The following ESRRG variants were observed in gnomAD, a reference collection of about 807,000 sequenced individuals.
The protein encoded by ESRRG is estrogen related receptor gamma.
In ESRRG, 13 loss-of-function variants were observed where a neutral mutation model predicts 44.0. That is an observed-to-expected ratio of 0.30 (90% CI 0.19 to 0.47). The LOEUF is 0.47. Ranked by LOEUF, ESRRG falls within the 20% of genes least tolerant of loss-of-function variation. The pLI, the probability that ESRRG is intolerant of heterozygous loss-of-function variation, is 1.00. For synonymous variants in ESRRG, 215 were observed against 214.6 expected, an observed-to-expected ratio of 1.00 and a Z score of -0.02; for missense variants, 395 against 580.6, an observed-to-expected ratio of 0.68 and a Z score of 3.29.
At chr1:216,786,212 A>G (rs1348791667) in intron 2 of ESRRG, among the ~76,000 whole-genome samples, 1 of 152,088 alleles carries the variant, frequency 6.6e-6, no homozygotes, top group East Asian at 1.9e-4. Context: ...TCACTTAGAG[A>G]TTCATGTGCT....
intron 2 of ESRRG, among the ~76,000 whole-genome samples, chr1:216,757,456 A>T (rs538260100): frequency 4.5e-4 from 68 of 152,186 alleles, no homozygotes; most frequent in African/African-American, 1.6e-3. Context: ...ACAAAAGCTT[A>T]ATGCTGCAAC....
intron 2 of ESRRG, among the ~76,000 whole-genome samples, chr1:216,769,275 A>C (rs1214487419): frequency 6.6e-6 from 1 of 152,172 alleles, no homozygotes; most frequent in Non-Finnish European, 1.5e-5. Context: ...AGCTGCAAAC[A>C]GAGTGATCAG....
chr1:216,646,973 C>A (rs1453478844), intron 3 of ESRRG, among the ~76,000 whole-genome samples: 1 of 151,990 alleles, frequency 6.6e-6, no homozygotes, highest in East Asian at 1.9e-4. Flanking sequence ...ATCAAGACAC[C>A]CTTTAATCCT....
intron 2 of ESRRG, among the ~76,000 whole-genome samples, chr1:216,735,804 C>T (rs1472651271): frequency 6.6e-6 from 1 of 151,468 alleles, no homozygotes; most frequent in Non-Finnish European, 1.5e-5. Flanking sequence ...GATGGTGAAA[C>T]CCCGTCTCTA....
At chr1:216,643,024 A>T (rs746812367) in intron 3 of ESRRG, among the ~76,000 whole-genome samples, 3 of 152,226 alleles carry the variant, frequency 2.0e-5, no homozygotes, top group Non-Finnish European at 4.4e-5. Context: ...GGGTAATTAG[A>T]CAAGTAAGTT....
Position 216,674,781 on chromosome 1 carries a change from T to C in ESRRG, c.472+2295A>G, listed in dbSNP as rs550541082. ...CATGCCACCATGCTCAACTAATTTGTAAATTTTTTATAGAGACAGGGTTCT... is the reference window on the plus strand; with the variant it reads ...CATGCCACCATGCTCAACTAATTTGCAAATTTTTTATAGAGACAGGGTTCT... On this transcript the variant is annotated intron_variant, in intron 2 of 6. Transcript: ENST00000408911. Among the ~76,000 whole-genome samples the C allele has an allele frequency of 2.3e-3, 344 of 152,102 alleles. 2 individuals are homozygous for C. The highest frequency in any genetic ancestry group is 2.4e-3 in the Non-Finnish European group (163 of 67,988).
At chr1:216,582,171 T>C (rs972350609) in intron 3 of ESRRG, among the ~76,000 whole-genome samples, 4 of 152,196 alleles carry the variant, frequency 2.6e-5, no homozygotes, top group African/African-American at 9.7e-5. Flanking sequence ...ATGTATAAAA[T>C]ACATGTGTTT....
chr1:216,860,785 ATT>A (rs1015340329), intron 2 of ESRRG, among the ~76,000 whole-genome samples: 3 of 152,160 alleles, frequency 2.0e-5, no homozygotes, highest in African/African-American at 7.2e-5. Flanking sequence ...GGATATATGA[ATT>A]TACACAAAAG....
chr1:216,932,315 A>G (rs1168654847), intron 2 of ESRRG, among the ~76,000 whole-genome samples: 4 of 152,224 alleles, frequency 2.6e-5, no homozygotes, highest in Middle Eastern at 3.2e-3. Context: ...AAGGAAAATG[A>G]CAAGATTTCA....
chr1:217,077,424 T>C (rs1033277178), intron 1 of ESRRG, among the ~76,000 whole-genome samples: 8 of 152,132 alleles, frequency 5.3e-5, no homozygotes, highest in Non-Finnish European at 1.2e-4. Flanking sequence ...CAGTCTGTGG[T>C]CTCCATCTGA....
At chr1:216,651,599 C>T (rs918597532) in intron 2 of ESRRG, among the ~76,000 whole-genome samples, 1 of 152,004 alleles carries the variant, frequency 6.6e-6, no homozygotes, top group Non-Finnish European at 1.5e-5. Context: ...AGGGTAGGGA[C>T]AGAAATTACA....
At chr1:217,096,597 G>A (rs1343571828) in intron 1 of ESRRG, among the ~76,000 whole-genome samples, 2 of 129,820 alleles carry the variant, frequency 1.5e-5, no homozygotes, top group African/African-American at 6.2e-5. Flanking sequence ...CGCCAAAGGG[G>A]TGGATTGACT....
chr1:216,539,868 A>G (rs1230796035), intron 5 of ESRRG, among the ~76,000 whole-genome samples: 2 of 152,064 alleles, frequency 1.3e-5, no homozygotes, highest in East Asian at 1.9e-4. Context: ...TTTGAGATGT[A>G]AAAATACATA....
intron 1 of ESRRG, among the ~76,000 whole-genome samples, chr1:217,050,051 T>A (rs967358454): frequency 6.6e-6 from 1 of 152,180 alleles, no homozygotes; most frequent in African/African-American, 2.4e-5. Flanking sequence ...CAAACGTCAC[T>A]GTAAGTCAGA....
At chr1:216,643,328 A>C (rs1445647823) in intron 3 of ESRRG, among the ~76,000 whole-genome samples, 1 of 152,212 alleles carries the variant, frequency 6.6e-6, no homozygotes, top group Non-Finnish European at 1.5e-5. Context: ...GATCACTCAG[A>C]ATAAACAGAA....
intron 1 of ESRRG, among the ~76,000 whole-genome samples, chr1:217,073,135 G>A (rs2090781295): frequency 7.5e-6 from 1 of 133,490 alleles, no homozygotes; most frequent in Admixed American, 8.8e-5. Flanking sequence ...ATAGTACCAT[G>A]GCTAAATAAG....
At position 216,677,228 on chromosome 1, in the gene ESRRG, G is replaced by C; in HGVS notation, c.320C>G (p.Thr107Ser). The part of the protein sequence containing the change: ...VRKLYDDCSS[T>S]IVEDPQTKCE... ...CTTGGTCTGGGGATCTTCAACAATG[G>C]TGCTGGAGCAGTCATCATACAGTTT... Residue 107 changes from threonine (T) to serine (S), a missense_variant, in exon 2 of 7, where the codon ACC becomes AGC. Thr to Ser is a moderately conservative substitution (Grantham distance 58). This residue lies in a region of ESRRG where 148 missense variants were observed against 150.4 expected (regional missense o/e 0.98). Coordinates refer to ENST00000408911, the MANE Select transcript of ESRRG (RefSeq NM_001438.4). 1 of 1,614,168 alleles carries C rather than the reference G, an allele frequency of 6.2e-7. No homozygotes were observed. Among genetic ancestry groups the C allele is most frequent in the Non-Finnish European group, 8.5e-7 (1 of 1,180,032 alleles).
At chr1:216,963,629 A>C (rs1483417740) in intron 1 of ESRRG, among the ~76,000 whole-genome samples, 1 of 152,134 alleles carries the variant, frequency 6.6e-6, no homozygotes, top group Non-Finnish European at 1.5e-5. Flanking sequence ...ATCTATACAA[A>C]ATAATTTGAT....
At chr1:216,645,481 G>T (rs750443615) in intron 3 of ESRRG, among the ~76,000 whole-genome samples, 1 of 151,924 alleles carries the variant, frequency 6.6e-6, no homozygotes, top group Non-Finnish European at 1.5e-5. Context: ...TAGTCTAACT[G>T]GTCCCCTGAA....
Sources: gnomAD v4.1 joint callset for allele counts (sites outside exome capture counted in the v4.1 genomes callset) on GRCh38, gnomAD v4.1.1 for gene constraint, gnomAD v4.1.1 regional missense constraint, MANE v1.5 for transcripts, NCBI Gene and HGNC (gene_info 2026-07-23, HGNC 2026-07-21) for gene names.